Variants in SLC1A2 observed in about 807,000 individuals in gnomAD.
SLC1A2 encodes the protein excitatory amino acid transporter 2.
In SLC1A2, 15 loss-of-function variants were observed where a neutral mutation model predicts 48.8. The ratio of observed to expected loss-of-function variants is 0.31; its 90% CI spans 0.21 to 0.47. SLC1A2 has a LOEUF of 0.47. Among genes scored for constraint, SLC1A2 ranks in the 20% least tolerant of loss-of-function variants. The pLI, the probability that SLC1A2 is intolerant of heterozygous loss-of-function variation, is 0.99. For synonymous variants in SLC1A2, 279 were observed against 272.6 expected (o/e 1.02, Z -0.23); for missense variants, 502 against 730.5 (o/e 0.69, Z 3.61).
intron 1 of SLC1A2, among the ~76,000 whole-genome samples, chr11:35,347,590 T>C (rs905078580): frequency 3.3e-5 from 5 of 152,226 alleles, no homozygotes; most frequent in Non-Finnish European, 1.5e-5. Context: ...GAAGTGGACA[T>C]ATGCATGCCC....
chr11:35,298,181 A>T (rs1038545841), intron 6 of SLC1A2: 1 of 152,234 alleles, frequency 6.6e-6, no homozygotes, highest in Non-Finnish European at 1.5e-5. Context: ...CATGTAAAAC[A>T]ATTGGAATAA....
intron 1 of SLC1A2, among the ~76,000 whole-genome samples, chr11:35,337,811 C>T (rs1331774886): frequency 6.6e-6 from 1 of 152,132 alleles, no homozygotes; most frequent in Non-Finnish European, 1.5e-5. Flanking sequence ...CCTTCCAGCT[C>T]TATGAGTATG....
intron 1 of SLC1A2, among the ~76,000 whole-genome samples, chr11:35,374,855 T>TAA (rs1854175118): frequency 1.3e-5 from 2 of 152,220 alleles, no homozygotes; most frequent in Admixed American, 1.3e-4. Flanking sequence ...TCTATATATA[T>TAA]AAATGTGTAA....
At chr11:35,278,412 A>G (rs1443935615) in intron 9 of SLC1A2, among the ~76,000 whole-genome samples, 1 of 151,274 alleles carries the variant, frequency 6.6e-6, no homozygotes, top group East Asian at 2.0e-4. Context: ...AGTAGCTGGG[A>G]TTACGGGCAT....
intron 1 of SLC1A2, chr11:35,391,648 G>A (rs1159723192): frequency 6.6e-6 from 1 of 152,240 alleles, no homozygotes; most frequent in East Asian, 1.9e-4. Context: ...GGGAAGAAGG[G>A]ATCTCCTCAG....
chr11:35,369,992 G>T (rs1699353466), intron 1 of SLC1A2, among the ~76,000 whole-genome samples: 1 of 152,160 alleles, frequency 6.6e-6, no homozygotes, highest in African/African-American at 2.4e-5. Context: ...ATTGGGTGGG[G>T]GTGAAGAGGG....
chr11:35,379,490 G>A (rs911080070), intron 1 of SLC1A2, among the ~76,000 whole-genome samples: 13 of 152,112 alleles, frequency 8.5e-5, no homozygotes, highest in Admixed American at 3.9e-4. Flanking sequence ...CCTGTGCCTC[G>A]GACATATTCC....
chr11:35,398,677 G>A (rs917929150), intron 1 of SLC1A2, among the ~76,000 whole-genome samples: 1 of 152,042 alleles, frequency 6.6e-6, no homozygotes, highest in East Asian at 1.9e-4. Context: ...AAGTTGGAAA[G>A]AAAAAAATAT....
chr11:35,335,611 AG>A (rs1852599556), intron 1 of SLC1A2, among the ~76,000 whole-genome samples: 1 of 152,204 alleles, frequency 6.6e-6, no homozygotes. Context: ...TTTTGGAGAA[AG>A]GAAGACAGTC....
chr11:35,389,807 C>G (rs1436982703), intron 1 of SLC1A2, among the ~76,000 whole-genome samples: 1 of 151,936 alleles, frequency 6.6e-6, no homozygotes, highest in Non-Finnish European at 1.5e-5. Context: ...GACACCAGGT[C>G]TTGCTATATT....
intron 1 of SLC1A2, among the ~76,000 whole-genome samples, chr11:35,412,157 A>G (rs1334783034): frequency 3.9e-5 from 5 of 129,640 alleles, no homozygotes. Flanking sequence ...ATTAGATGAC[A>G]AAAAAAACCT....
chr11:35,261,901 C>G, intron 10 of SLC1A2: 1 of 394,902 alleles, frequency 2.5e-6, no homozygotes, highest in Non-Finnish European at 4.5e-6. Context: ...ACGAATCAAG[C>G]AAAGGAAAAT....
rs1855565094 is a variant in SLC1A2, at chr11:35,414,942, G to A, written c.17+4008C>T. On this transcript the variant is annotated intron_variant, in intron 1 of 10. Coordinates refer to ENST00000278379, the MANE Select transcript of SLC1A2 (RefSeq NM_004171.4). ...AACAATTCAGTTTGCCTTTAAAAGG[G>A]GGGAAACCAGACATCAGGGCATTGT... Among the ~76,000 whole-genome samples, 6 of 152,322 alleles carry A rather than the reference G, an allele frequency of 3.9e-5. No individual in the cohort carries two copies. The South Asian group carries it at 1.2e-3, about 32-fold the overall frequency.
chr11:35,402,721 T>C lies in SLC1A2; in HGVS notation c.17+16229A>G, dbSNP rs186318538. On this transcript the variant is annotated intron_variant, in intron 1 of 10. Coordinates refer to ENST00000278379, the MANE Select transcript of SLC1A2 (RefSeq NM_004171.4). ...GGGACTGAGCCCTCAATCTGTAGGA[T>C]AGCCATAGCCCAGGTGGATAGCATC... is the stretch of plus-strand genomic sequence containing the variant. Among the ~76,000 whole-genome samples the C allele has an allele frequency of 1.9e-3, 295 of 152,256 alleles. 3 individuals carry two copies. The highest frequency in any genetic ancestry group is 6.8e-3 in the African/African-American group (281 of 41,540).
At position 35,363,573 on chromosome 11, in the gene SLC1A2, C is replaced by G. The variant is rs538666792; in HGVS notation, c.18-46057G>C. ...ACATCTCTAACACATCTGGCTTGGT[C>G]TCAAAATGACAGAGGAACTAGCACT... On this transcript the variant is annotated intron_variant, in intron 1 of 10. Transcript: ENST00000278379. 5.3e-5 allele frequency among the ~76,000 whole-genome samples: 8 copies of G among 152,248 alleles called. No individual in the cohort carries two copies. In the East Asian group the frequency reaches 9.7e-4, roughly 18 times the overall value.
intron 7 of SLC1A2, among the ~76,000 whole-genome samples, chr11:35,291,032 G>A (rs1367613145): frequency 6.6e-6 from 1 of 152,136 alleles, no homozygotes; most frequent in Non-Finnish European, 1.5e-5. Flanking sequence ...AACAGGCCCT[G>A]CTGCGTCATG....
intron 1 of SLC1A2, among the ~76,000 whole-genome samples, chr11:35,398,088 A>G (rs1399307111): frequency 6.6e-6 from 1 of 152,202 alleles, no homozygotes; most frequent in African/African-American, 2.4e-5. Context: ...TCAGGATAAC[A>G]AGGGGACTGG....
intron 1 of SLC1A2, among the ~76,000 whole-genome samples, chr11:35,329,936 C>G (rs1406840334): frequency 6.6e-6 from 1 of 152,214 alleles, no homozygotes; most frequent in Admixed American, 6.5e-5. Flanking sequence ...TCCCACAACA[C>G]TCTCACAAGA....
At chr11:35,288,431 G>C (rs1356020329) in intron 7 of SLC1A2, among the ~76,000 whole-genome samples, 1 of 152,128 alleles carries the variant, frequency 6.6e-6, no homozygotes, top group Non-Finnish European at 1.5e-5. Flanking sequence ...GACCTAGCTT[G>C]CTATCTTAAT....
Sources: allele counts gnomAD v4.1 joint callset (sites outside exome capture counted in the v4.1 genomes callset), GRCh38; gene constraint gnomAD v4.1.1; transcripts MANE v1.5; gene names NCBI Gene and HGNC (gene_info 2026-07-23, HGNC 2026-07-21).